PCDHA4: variants seen among roughly 807,000 people sequenced by gnomAD.
The protein encoded by PCDHA4 is protocadherin alpha-4.
PCDHA4 carries 49 observed loss-of-function variants against 61.4 expected under a neutral mutation model. The ratio of observed to expected loss-of-function variants is 0.80; its 90% CI spans 0.63 to 1.01. The LOEUF (loss-of-function observed/expected upper bound fraction) is 1.01. PCDHA4 is among the 50% of genes least tolerant of loss of function. PCDHA4 has a pLI of 0.00. For missense variants in PCDHA4, 1,254 were observed against 1,235.8 expected (o/e 1.01, Z -0.22); for synonymous variants, 590 against 550.3 (o/e 1.07, Z -1.01).
Position 140,850,129 on chromosome 5 carries a change from TG to T in PCDHA4, c.2385+40560del, listed in dbSNP as rs2150469009. On this transcript the variant is annotated intron_variant, in intron 1 of 3. Coordinates refer to ENST00000530339, the MANE Select transcript of PCDHA4 (RefSeq NM_018907.4). Reference sequence around the variant, plus strand: ...GCGCGCGACGCGGGCGTGCCGCCTCTGGGCAGCAACGTGACGCTGCAGGTGT... The same window carrying T: ...GCGCGCGACGCGGGCGTGCCGCCTCTGGCAGCAACGTGACGCTGCAGGTGT... 23 of 1,595,784 alleles carry T rather than the reference TG, an allele frequency of 1.4e-5. 1 individual carries two copies. The South Asian group carries it at 2.4e-4, about 17-fold the overall frequency.
Position 140,807,801 on chromosome 5 carries a change from C to T in PCDHA4, c.614C>T (p.Ala205Val), listed in dbSNP as rs782056776. The T allele has an allele frequency of 6.2e-6, 10 of 1,614,018 alleles. No individual in the cohort carries two copies. The Admixed American group carries it at 1.5e-4, about 24-fold the overall frequency. ...ILRKSLDREEAPEIFLVLTAT... is the reference protein window; with the variant it reads ...ILRKSLDREEVPEIFLVLTAT... ...CGGAAATCTTTAGACAGAGAAGAAG[C>T]TCCGGAGATTTTTTTAGTGCTCACA... The change falls in exon 1 of 4, where the codon GCT (alanine) becomes GTT (valine). Residue 205 changes from alanine to valine, a missense_variant. Ala to Val is a moderately conservative substitution (Grantham distance 64). Transcript: ENST00000530339.
rs2150502964 is a variant in PCDHA4 at position 140,850,934 on chromosome 5, T to C, written c.2385+41362T>C. On this transcript the variant is annotated intron_variant, in intron 1 of 3. Transcript: ENST00000530339. ...TATTTATTTATATAATTTTTTTTCTTGAAAGATATTATCGATTACTCCCAG... is the reference window on the plus strand; with the variant it reads ...TATTTATTTATATAATTTTTTTTCTCGAAAGATATTATCGATTACTCCCAG... 3.0e-5 allele frequency: 45 copies of C among 1,514,272 alleles called. 2 individuals are homozygous for C. The South Asian group carries it at 5.0e-4, about 17-fold the overall frequency. The allele number at this position is 1,514,272 out of a possible 1,614,324, so 93.8% of individuals were successfully genotyped here.
chr5:140,835,133 A>G, intron 1 of PCDHA4: 2 of 1,375,436 alleles, frequency 1.5e-6, no homozygotes, highest in Non-Finnish European at 2.0e-6. Flanking sequence ...ATACGGTGAA[A>G]TTACCAGAAA....
intron 1 of PCDHA4, chr5:140,871,048 C>G (rs1472650820): frequency 6.2e-7 from 1 of 1,613,230 alleles, no homozygotes; most frequent in Non-Finnish European, 8.5e-7. Flanking sequence ...ACTTCTAGTA[C>G]TGGTGAAGGA....
chr5:140,986,074 T>C (rs1342378005), intron 3 of PCDHA4, among the ~76,000 whole-genome samples: 1 of 152,124 alleles, frequency 6.6e-6, no homozygotes, highest in African/African-American at 2.4e-5. Context: ...AAAGAAACTG[T>C]TCATTTATTT....
Position 140,858,116 on chromosome 5 carries a change from G to A in PCDHA4, c.2385+48544G>A, listed in dbSNP as rs140097524. The A allele has an allele frequency of 1.6e-5, 26 of 1,597,882 alleles. 1 individual carries two copies. The Middle Eastern group carries it at 5.1e-4, about 31-fold the overall frequency. Reference sequence around the variant, plus strand: ...TTCAGTGGGCGTGGCGCCCGAGGTGGCCCTGGTGGATGTCAACGTGTACCT... The same window carrying A: ...TTCAGTGGGCGTGGCGCCCGAGGTGACCCTGGTGGATGTCAACGTGTACCT... On this transcript the variant is annotated intron_variant, in intron 1 of 3. Coordinates refer to ENST00000530339, the MANE Select transcript of PCDHA4 (RefSeq NM_018907.4).
chr5:140,924,887 C>A (rs528979895), intron 1 of PCDHA4, among the ~76,000 whole-genome samples: 1 of 126,448 alleles, frequency 7.9e-6, no homozygotes, highest in African/African-American at 3.2e-5. Flanking sequence ...AGAGCAAGAA[C>A]CTGTCTCAAA....
intron 1 of PCDHA4, chr5:140,834,176 G>T: frequency 1.8e-6 from 1 of 555,610 alleles, no homozygotes; most frequent in South Asian, 2.7e-5. Context: ...TTACATGATG[G>T]CCACATGATG....
chr5:140,877,256 G>C lies in PCDHA4; in HGVS notation c.2385+67684G>C, dbSNP rs782364296. 2.5e-6 allele frequency: 4 copies of C among 1,613,628 alleles called. No homozygotes were observed. In the African/African-American group the frequency reaches 5.3e-5, roughly 22 times the overall value. On this transcript the variant is annotated intron_variant, in intron 1 of 3. Transcript: ENST00000530339. Reference sequence around the variant, plus strand: ...GCGGGCCACGTGGTGGCGAAAGTGCGCGCGGTGGACGCTGACTCCGGCTAT... The same window carrying C: ...GCGGGCCACGTGGTGGCGAAAGTGCCCGCGGTGGACGCTGACTCCGGCTAT...
At chr5:140,850,803 A>G in intron 1 of PCDHA4, 4 of 1,598,380 alleles carry the variant, frequency 2.5e-6, no homozygotes, top group Non-Finnish European at 3.4e-6. Context: ...GACCGACCTC[A>G]TGGCCTTCAG....
intron 1 of PCDHA4, chr5:140,856,360 C>G: frequency 6.3e-7 from 1 of 1,598,550 alleles, no homozygotes; most frequent in Non-Finnish European, 8.6e-7. Flanking sequence ...GCAGCATCCA[C>G]CTGGAGGTGA....
chr5:140,869,586 CAT>C, intron 1 of PCDHA4: 6 of 1,614,150 alleles, frequency 3.7e-6, no homozygotes, highest in Non-Finnish European at 5.1e-6. Flanking sequence ...CTGATGCTGA[CAT>C]TGAAGAGAAT....
intron 1 of PCDHA4, among the ~76,000 whole-genome samples, chr5:140,963,621 T>C (rs1428734637): frequency 2.6e-5 from 4 of 152,334 alleles, no homozygotes; most frequent in African/African-American, 9.6e-5. Flanking sequence ...AGCTTAACTT[T>C]GTTGCATACG....
intron 1 of PCDHA4, chr5:140,967,716 T>C: frequency 1.2e-6 from 2 of 1,613,914 alleles, no homozygotes; most frequent in Non-Finnish European, 1.7e-6. Context: ...ACCGGGGAAG[T>C]GCGAGTAATT....
chr5:140,927,027 G>A (rs1554203924), intron 1 of PCDHA4: 3 of 1,612,328 alleles, frequency 1.9e-6, no homozygotes, highest in Non-Finnish European at 1.7e-6. Context: ...ACTTGAGGCT[G>A]CCAGCGGCCG....
chr5:140,831,050 T>A (rs1228515623), intron 1 of PCDHA4: 2 of 152,266 alleles, frequency 1.3e-5, no homozygotes, highest in Non-Finnish European at 2.9e-5. Context: ...TAGTGTTCAT[T>A]TATTGTCCCC....
chr5:140,984,659 C>G (rs560265457), intron 3 of PCDHA4, among the ~76,000 whole-genome samples: 4 of 152,246 alleles, frequency 2.6e-5, no homozygotes, highest in African/African-American at 9.6e-5. Flanking sequence ...CCTTCTGGTA[C>G]TTTTAGGTTT....
chr5:140,810,294 A>G (rs1468211425), intron 1 of PCDHA4: 1 of 152,220 alleles, frequency 6.6e-6, no homozygotes, highest in Non-Finnish European at 1.5e-5. Flanking sequence ...CATCATAAAT[A>G]TATTGTACAT....
At chr5:140,874,887 T>G (rs1315281628) in intron 1 of PCDHA4, among the ~76,000 whole-genome samples, 2 of 152,350 alleles carry the variant, frequency 1.3e-5, no homozygotes, top group East Asian at 3.9e-4. Context: ...AATTCCTAAC[T>G]TTCTCTAAAA....
Sources: gnomAD v4.1 joint callset for allele counts (sites outside exome capture counted in the v4.1 genomes callset) on GRCh38, gnomAD v4.1.1 for gene constraint, MANE v1.5 for transcripts, NCBI Gene and HGNC (gene_info 2026-07-23, HGNC 2026-07-21) for gene names.